Variants in RFX3 observed in about 807,000 individuals in gnomAD.
RFX3 encodes the protein transcription factor RFX3.
In RFX3, 14 loss-of-function variants were observed where a neutral mutation model predicts 98.6. The ratio of observed to expected loss-of-function variants is 0.14; its 90% confidence interval spans 0.09 to 0.22. The LOEUF (loss-of-function observed/expected upper bound fraction) is 0.22. RFX3 is among the 10% of genes least tolerant of loss of function. RFX3 has a pLI of 1.00. For synonymous variants in RFX3, 383 were observed against 328.4 expected (o/e 1.17, Z -1.80); for missense variants, 639 against 926.9 (o/e 0.69, Z 4.03).
chr9:3,497,275 T>C (rs1037393566), intron 1 of RFX3, among the ~76,000 whole-genome samples: 6 of 151,998 alleles, frequency 3.9e-5, no homozygotes, highest in Non-Finnish European at 7.4e-5. Context: ...ACAAAGTAAA[T>C]AGAAATATCT....
chr9:3,340,338 C>A (rs1199492951), intron 3 of RFX3, among the ~76,000 whole-genome samples: 1 of 152,170 alleles, frequency 6.6e-6, no homozygotes, highest in Admixed American at 6.5e-5. Context: ...AGGACATAAG[C>A]ATGGGCAAGG....
chr9:3,484,817 G>C (rs1383683706), intron 1 of RFX3, among the ~76,000 whole-genome samples: 1 of 152,104 alleles, frequency 6.6e-6, no homozygotes, highest in East Asian at 1.9e-4. Flanking sequence ...GGGTGCAGTG[G>C]CTCAACCTGT....
intron 4 of RFX3, among the ~76,000 whole-genome samples, chr9:3,318,589 G>A (rs1830901969): frequency 1.3e-5 from 2 of 149,156 alleles, no homozygotes; most frequent in African/African-American, 4.9e-5. Context: ...TAGCCAGCTT[G>A]GCTTTTCATG....
At chr9:3,289,299 T>G (rs1173515475) in intron 6 of RFX3, among the ~76,000 whole-genome samples, 5 of 152,118 alleles carry the variant, frequency 3.3e-5, no homozygotes, top group South Asian at 2.1e-4. Flanking sequence ...ATTAAAATTA[T>G]ACTATATAAA....
At chr9:3,406,572 G>T (rs1394582538) in intron 1 of RFX3, among the ~76,000 whole-genome samples, 1 of 151,998 alleles carries the variant, frequency 6.6e-6, no homozygotes, top group Non-Finnish European at 1.5e-5. Flanking sequence ...ACTTACATAT[G>T]TAGCCACAGT....
Position 3,224,892 on chromosome 9 carries a change from A to G in RFX3, c.*150T>C, listed in dbSNP as rs1451143391. 5.5e-6 allele frequency: 4 copies of G among 726,412 alleles called. No homozygotes were observed. Among genetic ancestry groups the G allele is most frequent in the African/African-American group, 3.5e-5 (2 of 56,954 alleles). The allele number at this position is 726,412 out of a possible 1,614,324, so 45.0% of individuals were successfully genotyped here. A position where few individuals can be genotyped will look rare whatever the true frequency, so the allele number is the denominator to read the frequency against. On this transcript the variant is annotated 3_prime_UTR_variant, in exon 17 of 17. Coordinates refer to ENST00000617270, the MANE Select transcript of RFX3 (RefSeq NM_001282116.2). ...TAAAAAAAAAGATCTGGCAAAATAC[A>G]TACACCCATTCCATTTCACAACTCC...
intron 1 of RFX3, among the ~76,000 whole-genome samples, chr9:3,451,675 C>A (rs755272966): frequency 1.3e-4 from 20 of 152,164 alleles, no homozygotes; most frequent in Non-Finnish European, 2.6e-4. Flanking sequence ...TATGTGTAGG[C>A]TGCATATAGT....
At chr9:3,505,010 TATA>T (rs961177504) in intron 1 of RFX3, among the ~76,000 whole-genome samples, 15 of 75,196 alleles carry the variant, frequency 2.0e-4, no homozygotes, top group Non-Finnish European at 2.9e-4. Flanking sequence ...ATATAAAATG[TATA>T]ATAAAATATT....
chr9:3,454,568 T>C (rs933825017), intron 1 of RFX3, among the ~76,000 whole-genome samples: 1 of 152,170 alleles, frequency 6.6e-6, no homozygotes, highest in African/African-American at 2.4e-5. Flanking sequence ...TAGGCTGTCC[T>C]TGTTAGTAAA....
At chr9:3,464,196 A>T (rs904980823) in intron 1 of RFX3, among the ~76,000 whole-genome samples, 1 of 152,208 alleles carries the variant, frequency 6.6e-6, no homozygotes, top group Non-Finnish European at 1.5e-5. Context: ...AAAATGGTAC[A>T]GCCACTTTGG....
chr9:3,258,363 T>G (rs1450258580), intron 13 of RFX3, among the ~76,000 whole-genome samples: 1 of 152,128 alleles, frequency 6.6e-6, no homozygotes, highest in Non-Finnish European at 1.5e-5. Flanking sequence ...TCATTCAAAT[T>G]AACAACTTCA....
intron 11 of RFX3, 110 bp downstream of exon 11, chr9:3,270,261 C>T (rs1197096109): frequency 1.7e-6 from 2 of 1,165,390 alleles, no homozygotes; most frequent in African/African-American, 1.6e-5. Flanking sequence ...TTCTATCTGG[C>T]AAATCTAAAT....
chr9:3,324,730 A>C (rs1248891362), intron 4 of RFX3, among the ~76,000 whole-genome samples: 1 of 152,162 alleles, frequency 6.6e-6, no homozygotes, highest in Non-Finnish European at 1.5e-5. Flanking sequence ...TGGGAGGCTG[A>C]GGCGGGCAGA....
At chr9:3,418,969 G>T (rs539153400) in intron 1 of RFX3, among the ~76,000 whole-genome samples, 19 of 152,248 alleles carry the variant, frequency 1.2e-4, no homozygotes, top group South Asian at 1.0e-3. Flanking sequence ...ACGTATTAAT[G>T]TTGTCCTGCT....
chr9:3,229,298 G>A (rs1423231853), intron 15 of RFX3, among the ~76,000 whole-genome samples: 1 of 152,204 alleles, frequency 6.6e-6, no homozygotes, highest in African/African-American at 2.4e-5. Context: ...CCACCTGGAA[G>A]TCTCTACATT....
At chr9:3,387,846 T>A (rs988517733) in intron 2 of RFX3, among the ~76,000 whole-genome samples, 1 of 152,110 alleles carries the variant, frequency 6.6e-6, no homozygotes. Context: ...ATTCTATTCA[T>A]GTCCATCAAT....
intron 7 of RFX3, among the ~76,000 whole-genome samples, chr9:3,280,775 TGGTTATTCTAACAAGTTTC>T (rs1298159064): frequency 6.6e-6 from 1 of 151,788 alleles, no homozygotes; most frequent in African/African-American, 2.4e-5. Flanking sequence ...GCTTAGGAAC[TGGTTATTCTAACAAGTTTC>T]TGAGGTATTT....
At chr9:3,483,259 G>A (rs990175927) in intron 1 of RFX3, among the ~76,000 whole-genome samples, 2 of 152,076 alleles carry the variant, frequency 1.3e-5, no homozygotes, top group Non-Finnish European at 2.9e-5. Context: ...GCAGGGAGGG[G>A]AGTGATTCTA....
chr9:3,237,062 T>C (rs1166614182), intron 15 of RFX3, among the ~76,000 whole-genome samples: 1 of 152,202 alleles, frequency 6.6e-6, no homozygotes, highest in Non-Finnish European at 1.5e-5. Flanking sequence ...CTATACATTA[T>C]CCTTTCTCTC....
Sources: gnomAD v4.1 joint callset for allele counts (sites outside exome capture counted in the v4.1 genomes callset) on GRCh38, gnomAD v4.1.1 for gene constraint, MANE v1.5 for transcripts, NCBI Gene and HGNC (gene_info 2026-07-23, HGNC 2026-07-21) for gene names.